The following NFATC1 variants were observed in gnomAD, a reference collection of about 807,000 sequenced individuals.
NFATC1 encodes the protein nuclear factor of activated T-cells, cytoplasmic 1.
In NFATC1, 22 loss-of-function variants were observed where a neutral mutation model predicts 76.0. The ratio of observed to expected loss-of-function variants is 0.29; its 90% CI spans 0.21 to 0.41. The LOEUF is 0.41. Ranked by LOEUF, NFATC1 falls within the 10% of genes least tolerant of loss-of-function variation. The probability of loss-of-function intolerance (pLI) is 1.00; values close to 1 mark genes in which losing one functional copy is unlikely to be tolerated. For synonymous variants in NFATC1, 704 were observed against 613.1 expected, an observed-to-expected ratio of 1.15 and a Z score of -2.19; for missense variants, 1,357 against 1,337.7, an observed-to-expected ratio of 1.01 and a Z score of -0.23.
intron 8 of NFATC1, among the ~76,000 whole-genome samples, chr18:79,475,701 C>T (rs1245318245): frequency 6.6e-6 from 1 of 152,228 alleles, no homozygotes; most frequent in African/African-American, 2.4e-5. Flanking sequence ...GGGGTGCTGG[C>T]CCCACCAGGC....
intron 3 of NFATC1, among the ~76,000 whole-genome samples, chr18:79,440,749 C>T (rs1468534715): frequency 6.6e-6 from 1 of 152,262 alleles, no homozygotes; most frequent in Non-Finnish European, 1.5e-5. Flanking sequence ...GTCTGAACAG[C>T]TCCGGAGTGC....
rs1462621607 is a variant in NFATC1 at position 79,528,673 on chromosome 18, GT to G, written c.*1098del. The stretch of plus-strand genomic sequence containing the variant: ...AACCTAAGTGTAATATATTTGTTCA[GT>G]TATAAGATGATTGTTTCACAGAAGC... On this transcript the variant is annotated 3_prime_UTR_variant, in exon 10 of 10. Transcript: ENST00000427363. The G allele has an allele frequency of 2.6e-5, 4 of 152,030 alleles. No individual in the cohort carries two copies. Among genetic ancestry groups the G allele is most frequent in the African/African-American group, 9.7e-5 (4 of 41,418 alleles). The allele number at this position is 152,030 out of a possible 1,614,324, so 9.4% of individuals were successfully genotyped here.
intron 2 of NFATC1, among the ~76,000 whole-genome samples, chr18:79,412,802 C>T (rs967318093): frequency 5.3e-5 from 8 of 152,228 alleles, no homozygotes; most frequent in Non-Finnish European, 7.3e-5. Context: ...TTAGAATCGT[C>T]GTCAGCTGAG....
chr18:79,402,222 A>T, intron 1 of NFATC1: 1 of 518,984 alleles, frequency 1.9e-6, no homozygotes, highest in Non-Finnish European at 2.5e-6. Context: ...GAAGACGCAC[A>T]GGAGGCCAGT....
chr18:79,469,796 C>T (rs2088699391), intron 8 of NFATC1: 1 of 985,428 alleles, frequency 1.0e-6, no homozygotes, highest in African/African-American at 1.7e-5. Flanking sequence ...CCCAGGTCCC[C>T]ACAAGCACAC....
chr18:79,425,091 G>C (rs1192273318), intron 2 of NFATC1, among the ~76,000 whole-genome samples: 2 of 130,678 alleles, frequency 1.5e-5, no homozygotes, highest in African/African-American at 3.0e-5. Flanking sequence ...CTCCATCTCT[G>C]TCTCTCCATC....
chr18:79,461,938 G>A (rs897186914), intron 7 of NFATC1, among the ~76,000 whole-genome samples: 4 of 152,230 alleles, frequency 2.6e-5, no homozygotes, highest in Admixed American at 2.0e-4. Context: ...TCCTGGACTC[G>A]CGATTGGCCA....
At chr18:79,432,738 G>A (rs908552619) in intron 2 of NFATC1, among the ~76,000 whole-genome samples, 9 of 152,230 alleles carry the variant, frequency 5.9e-5, no homozygotes, top group South Asian at 2.1e-4. Flanking sequence ...TGGGTGCACC[G>A]TGTGGCCCCC....
intron 4 of NFATC1, among the ~76,000 whole-genome samples, chr18:79,449,268 C>T (rs1038399700): frequency 4.6e-5 from 7 of 152,156 alleles, no homozygotes; most frequent in African/African-American, 7.2e-5. Context: ...TATTTCTTTC[C>T]GAATACAGCA....
chr18:79,451,133 G>C lies in NFATC1; in HGVS notation c.1762+7G>C. On this transcript the variant is annotated splice_region_variant and intron_variant, in intron 5 of 9. Transcript: ENST00000427363. ...TCCAACCCCATCGAATGCTGTAAGT[G>C]GACGTCCACGCGCCCACAGGGGAGG... The C allele has an allele frequency of 6.2e-7, 1 of 1,603,970 alleles. No homozygotes were observed. Among genetic ancestry groups the C allele is most frequent in the African/African-American group, 1.3e-5 (1 of 74,880 alleles).
At chr18:79,499,176 A>G (rs1199672610) in intron 9 of NFATC1, among the ~76,000 whole-genome samples, 1 of 152,272 alleles carries the variant, frequency 6.6e-6, no homozygotes, top group Non-Finnish European at 1.5e-5. Context: ...CAATGTGCTT[A>G]TAACAATTTG....
At chr18:79,398,835 G>A (rs1001421266) in intron 1 of NFATC1, among the ~76,000 whole-genome samples, 6 of 152,234 alleles carry the variant, frequency 3.9e-5, no homozygotes, top group African/African-American at 7.2e-5. Context: ...TTGGGAGGCC[G>A]AGGCAAGCGG....
chr18:79,400,257 GGGGGCGGGGGC>G lies in NFATC1; in HGVS notation c.127+3916_127+3926del, dbSNP rs1173246244. On this transcript the variant is annotated intron_variant, in intron 1 of 9. Coordinates refer to ENST00000427363, the MANE Select transcript of NFATC1 (RefSeq NM_001278669.2). ...TTTATGTAAACCCGGAAACGCCCCG[GGGGGCGGGGGC>G]GGGGCGGGGACGGGGGGAGGGGCGG... is the stretch of plus-strand genomic sequence containing the variant. 3.4e-3 allele frequency: 3,661 copies of G among 1,084,814 alleles called. 79 individuals are homozygous for G. The highest frequency in any genetic ancestry group is 0.026 in the South Asian group (670 of 25,968). The allele number at this position is 1,084,814 out of a possible 1,614,324, so 67.2% of individuals were successfully genotyped here.
chr18:79,431,534 C>T (rs1247646380), intron 2 of NFATC1, among the ~76,000 whole-genome samples: 2 of 152,146 alleles, frequency 1.3e-5, no homozygotes, highest in Non-Finnish European at 2.9e-5. Context: ...CACAGATGTG[C>T]ACCACCACGT....
At chr18:79,425,277 CTG>C (rs2086285021) in intron 2 of NFATC1, among the ~76,000 whole-genome samples, 1 of 67,836 alleles carries the variant, frequency 1.5e-5, no homozygotes, top group African/African-American at 7.7e-5. Flanking sequence ...GTCTCTCTCT[CTG>C]TCTGTCTTTC....
Position 79,410,286 on chromosome 18 carries a change from C to A in NFATC1, c.128-117C>A. The A allele has an allele frequency of 6.7e-7, 1 of 1,494,262 alleles. No individual in the cohort carries two copies. Among genetic ancestry groups the A allele is most frequent in the East Asian group, 2.3e-5 (1 of 44,014 alleles). 92.6% of individuals were successfully genotyped at this position (1,494,262 alleles called of 1,614,324 possible). A position where few individuals can be genotyped will look rare whatever the true frequency, so the allele number is the denominator to read the frequency against. Reference sequence around the variant, plus strand: ...TGGTCTCAGGGACGTTTGCTGAGGCCCGCTCCTTGGGGTCCGTTGGTCGAG... The same window carrying A: ...TGGTCTCAGGGACGTTTGCTGAGGCACGCTCCTTGGGGTCCGTTGGTCGAG... On this transcript the variant is annotated intron_variant, in intron 1 of 9. Coordinates refer to ENST00000427363, the MANE Select transcript of NFATC1 (RefSeq NM_001278669.2). The surrounding 1 kb of genome is among the most constrained non-coding windows in gnomAD (Gnocchi z 6.7).
intron 7 of NFATC1, among the ~76,000 whole-genome samples, chr18:79,466,771 G>A (rs9965367): frequency 0.031 from 4,791 of 152,250 alleles, 234 homozygotes; most frequent in African/African-American, 0.11. Context: ...CTCGGCCATC[G>A]TCAAATGTGA....
intron 1 of NFATC1, chr18:79,400,354 C>T (rs2085154166): frequency 1.4e-6 from 2 of 1,389,884 alleles, no homozygotes; most frequent in Non-Finnish European, 1.9e-6. Context: ...CTGGCGGCCG[C>T]GACCCCGGCT....
chr18:79,450,696 G>A (rs957891669), intron 4 of NFATC1, among the ~76,000 whole-genome samples: 3 of 152,208 alleles, frequency 2.0e-5, no homozygotes, highest in African/African-American at 7.2e-5. Context: ...GTGGGAAGGG[G>A]AAGGTGGAAG....
Sources: gnomAD v4.1 joint callset for allele counts (sites outside exome capture counted in the v4.1 genomes callset) on GRCh38, gnomAD v4.1.1 for gene constraint, Gnocchi (gnomAD v3.1) non-coding constraint, MANE v1.5 for transcripts, NCBI Gene and HGNC (gene_info 2026-07-23, HGNC 2026-07-21) for gene names.